PRDM6: variants seen among roughly 807,000 people sequenced by gnomAD.
PRDM6 encodes the protein PR/SET domain 6, also known as putative histone-lysine N-methyltransferase PRDM6.
Under a neutral mutation model 60.8 loss-of-function variants are expected in PRDM6, and 25 were observed. The observed-to-expected ratio is 0.41, with a 90% CI of 0.30 to 0.57. PRDM6 has a LOEUF of 0.57. PRDM6 is among the 20% of genes least tolerant of loss of function. The probability of loss-of-function intolerance (pLI) is 0.27; values close to 1 mark genes in which losing one functional copy is unlikely to be tolerated. For synonymous variants in PRDM6, 407 were observed against 357.4 expected, an observed-to-expected ratio of 1.14 and a Z score of -1.57; for missense variants, 839 against 821.3, an observed-to-expected ratio of 1.02 and a Z score of -0.26.
chr5:123,092,446 A>G (rs1322280030), intron 2 of PRDM6, among the ~76,000 whole-genome samples: 1 of 152,192 alleles, frequency 6.6e-6, no homozygotes, highest in African/African-American at 2.4e-5. Flanking sequence ...TACTGTTTAC[A>G]ATGCAGTCTG....
chr5:123,090,709 G>A, intron 2 of PRDM6, 103 bp downstream of exon 2: 1 of 590,138 alleles, frequency 1.7e-6, no homozygotes, highest in Non-Finnish European at 2.7e-6. Context: ...GTGACACGGG[G>A]CCGGGTGGGT....
chr5:123,154,652 C>T (rs997984279), intron 3 of PRDM6, among the ~76,000 whole-genome samples: 4 of 152,154 alleles, frequency 2.6e-5, no homozygotes, highest in Admixed American at 2.6e-4. Context: ...AATGACCATA[C>T]TAATTTTGGA....
At chr5:123,121,458 C>G (rs1764580132) in intron 3 of PRDM6, among the ~76,000 whole-genome samples, 1 of 152,186 alleles carries the variant, frequency 6.6e-6, no homozygotes. Flanking sequence ...TCATAGCTCA[C>G]TGCAGCCTCA....
chr5:123,101,476 A>G (rs1205445763), intron 3 of PRDM6, among the ~76,000 whole-genome samples: 1 of 152,238 alleles, frequency 6.6e-6, no homozygotes, highest in Non-Finnish European at 1.5e-5. Flanking sequence ...AATGTGGTTT[A>G]AAGTTTATAA....
intron 7 of PRDM6, among the ~76,000 whole-genome samples, 172 bp downstream of exon 7, chr5:123,180,495 G>C (rs1042304968): frequency 2.6e-5 from 4 of 152,228 alleles, no homozygotes; most frequent in Non-Finnish European, 5.9e-5. Context: ...TTTGAAAAAT[G>C]AAGTCAGGAA....
intron 3 of PRDM6, among the ~76,000 whole-genome samples, chr5:123,134,332 C>A (rs397955): frequency 0.29 from 44,790 of 151,908 alleles, 6,973 homozygotes; most frequent in Middle Eastern, 0.36. Context: ...CATTAAAGGT[C>A]TGTTAAGTTT....
intron 3 of PRDM6, among the ~76,000 whole-genome samples, chr5:123,105,108 C>T (rs932524725): frequency 3.9e-4 from 59 of 152,146 alleles, no homozygotes; most frequent in African/African-American, 1.2e-3. Context: ...CTGTATCCAC[C>T]GGATTATTTT....
intron 3 of PRDM6, among the ~76,000 whole-genome samples, chr5:123,133,454 A>G (rs1261163997): frequency 6.6e-6 from 1 of 152,110 alleles, no homozygotes; most frequent in Admixed American, 6.6e-5. Context: ...AAAAAAAGAC[A>G]AAAGAGCAAA....
At chr5:123,141,333 A>G (rs1331932223) in intron 3 of PRDM6, among the ~76,000 whole-genome samples, 1 of 152,090 alleles carries the variant, frequency 6.6e-6, no homozygotes, top group South Asian at 2.1e-4. Flanking sequence ...ATTATTTAAT[A>G]TCTTGGCATT....
At chr5:123,180,082 A>G (rs1766112064) in intron 6 of PRDM6, 65 bp from the exon 7 acceptor site, 2 of 1,430,650 alleles carry the variant, frequency 1.4e-6, no homozygotes, top group East Asian at 2.5e-5. Context: ...CCCTTGTCAT[A>G]TGATTCTGAC....
At chr5:123,102,305 A>T (rs1764120871) in intron 3 of PRDM6, among the ~76,000 whole-genome samples, 1 of 152,142 alleles carries the variant, frequency 6.6e-6, no homozygotes, top group South Asian at 2.1e-4. Context: ...GATTTTTAAG[A>T]TATAGAATAT....
chr5:123,131,586 G>T (rs1439459278), intron 3 of PRDM6, among the ~76,000 whole-genome samples: 3 of 152,164 alleles, frequency 2.0e-5, no homozygotes, highest in Non-Finnish European at 4.4e-5. Context: ...CCTTTTGAGG[G>T]TGGTGTAATT....
intron 3 of PRDM6, among the ~76,000 whole-genome samples, chr5:123,155,435 G>A (rs1035048329): frequency 6.6e-6 from 1 of 151,494 alleles, no homozygotes; most frequent in East Asian, 1.9e-4. Context: ...GCTGGGTGTC[G>A]CCCAGCCTGT....
chr5:123,142,877 C>CAAAAAAAAAAAAAAAAAAAAAAAAAAAA, intron 3 of PRDM6, among the ~76,000 whole-genome samples: 4 of 27,366 alleles, frequency 1.5e-4, no homozygotes, highest in Non-Finnish European at 1.9e-4. Flanking sequence ...CAGTGAAGAC[C>CAAAAAAAAAAAAAAAAAAAAAAAAAAAA]AAAAAAAAAA....
intron 6 of PRDM6, 87 bp downstream of exon 6, chr5:123,171,195 GGGAA>G: frequency 2.8e-6 from 3 of 1,073,596 alleles, no homozygotes; most frequent in Non-Finnish European, 4.0e-6. Context: ...ACCTCCACAG[GGGAA>G]GCCCTGTGAT....
intron 3 of PRDM6, among the ~76,000 whole-genome samples, chr5:123,109,061 C>T (rs1296114262): frequency 6.6e-6 from 1 of 152,068 alleles, no homozygotes; most frequent in Admixed American, 6.5e-5. Context: ...ACACTTCTAC[C>T]AATATCTTCA....
chr5:123,147,468 G>A (rs769261282), intron 3 of PRDM6, among the ~76,000 whole-genome samples: 8 of 152,180 alleles, frequency 5.3e-5, no homozygotes, highest in Non-Finnish European at 7.3e-5. Flanking sequence ...GAAAAAGATA[G>A]GTTTGTAGCA....
At chr5:123,126,679 A>G (rs944974364) in intron 3 of PRDM6, among the ~76,000 whole-genome samples, 3 of 152,190 alleles carry the variant, frequency 2.0e-5, no homozygotes, top group Admixed American at 2.0e-4. Context: ...GAGATGACAC[A>G]TATTTCTACA....
chr5:123,161,168 CTGT>C (rs1365899070), intron 5 of PRDM6, among the ~76,000 whole-genome samples: 1 of 152,196 alleles, frequency 6.6e-6, no homozygotes, highest in Non-Finnish European at 1.5e-5. Flanking sequence ...GACTCTGAAG[CTGT>C]TGTTGTGGTG....
Sources: allele counts gnomAD v4.1 joint callset (sites outside exome capture counted in the v4.1 genomes callset), GRCh38; gene constraint gnomAD v4.1.1; transcripts MANE v1.5; gene names NCBI Gene and HGNC (gene_info 2026-07-23, HGNC 2026-07-21).